PCDH15: variants seen among roughly 807,000 people sequenced by gnomAD.
PCDH15 encodes the protein protocadherin-15.
Under a neutral mutation model 178.5 loss-of-function variants are expected in PCDH15, and 129 were observed. That is an observed-to-expected ratio of 0.72 (90% CI 0.63 to 0.84). PCDH15 has a LOEUF of 0.84. Among genes scored for constraint, PCDH15 ranks in the 40% least tolerant of loss-of-function variants. The pLI, the probability that PCDH15 is intolerant of heterozygous loss-of-function variation, is 0.00. For synonymous variants in PCDH15, 800 were observed against 732.0 expected, an observed-to-expected ratio of 1.09 and a Z score of -1.50; for missense variants, 2,230 against 2,099.9, an observed-to-expected ratio of 1.06 and a Z score of -1.21.
At chr10:54,576,122 TGTAC>T (rs1308044710) in intron 2 of PCDH15, among the ~76,000 whole-genome samples, 1 of 102,514 alleles carries the variant, frequency 9.8e-6, no homozygotes, top group Admixed American at 1.1e-4. Context: ...TATCTATGTA[TGTAC>T]GTATGTATCC....
At chr10:54,371,231 G>T (rs1321731816) in intron 4 of PCDH15, among the ~76,000 whole-genome samples, 2 of 151,732 alleles carry the variant, frequency 1.3e-5, no homozygotes, top group Non-Finnish European at 2.9e-5. Context: ...TCACCCAAAT[G>T]TAATAGACAG....
intron 26 of PCDH15, among the ~76,000 whole-genome samples, chr10:53,868,192 A>G (rs2079585251): frequency 1.3e-5 from 2 of 152,066 alleles, no homozygotes; most frequent in Admixed American, 1.3e-4. Flanking sequence ...CTAGATATGT[A>G]AGTTATACAT....
chr10:55,061,197 T>C (rs1286700346), intron 2 of PCDH15, among the ~76,000 whole-genome samples: 2 of 152,116 alleles, frequency 1.3e-5, no homozygotes, highest in African/African-American at 2.4e-5. Flanking sequence ...CAAACATACA[T>C]AGAAACTTTA....
intron 13 of PCDH15, among the ~76,000 whole-genome samples, chr10:54,159,938 A>T (rs1443292703): frequency 6.6e-6 from 1 of 152,220 alleles, no homozygotes; most frequent in Non-Finnish European, 1.5e-5. Flanking sequence ...GAGCAACCTC[A>T]GCATACAATT....
At chr10:53,891,438 C>G (rs1325728119) in intron 26 of PCDH15, among the ~76,000 whole-genome samples, 1 of 152,076 alleles carries the variant, frequency 6.6e-6, no homozygotes, top group Non-Finnish European at 1.5e-5. Context: ...ATACCTATAC[C>G]TTGGATTGTT....
At chr10:54,888,795 T>G (rs1954407616) in intron 3 of PCDH15, among the ~76,000 whole-genome samples, 1 of 151,352 alleles carries the variant, frequency 6.6e-6, no homozygotes, top group Admixed American at 6.6e-5. Flanking sequence ...TTTTCTTTTT[T>G]TTTTTTTTAA....
At chr10:54,361,960 G>A (rs755430890) in intron 5 of PCDH15, among the ~76,000 whole-genome samples, 44 of 151,998 alleles carry the variant, frequency 2.9e-4, no homozygotes, top group Non-Finnish European at 5.6e-4. Context: ...TATCAGCAGT[G>A]AGATCTTGAG....
chr10:53,933,739 G>C (rs1056436385), intron 25 of PCDH15, among the ~76,000 whole-genome samples: 7 of 152,110 alleles, frequency 4.6e-5, no homozygotes, highest in Non-Finnish European at 7.3e-5. Context: ...GATCCCTGAG[G>C]AATCGCCACA....
chr10:54,369,264 G>A lies in PCDH15; in HGVS notation c.330C>T (p.Asn110=), dbSNP rs146796009. The A allele has an allele frequency of 7.0e-5, 113 of 1,612,476 alleles. No homozygotes were observed. The African/African-American group carries it at 1.4e-3, about 20-fold the overall frequency. The change falls in exon 5 of 38, where the codon AAC becomes AAT. Residue 110 remains asparagine, a synonymous_variant. Transcript: ENST00000644397. The part of the protein sequence containing the change: ...GRVLDRDPPM[N]IHSIVVQVQC... ...GGACCTGCACCACAATGGAGTGTAT[G>A]TTCATCGGTGGCTGCAATGTAGAAA... is the stretch of plus-strand genomic sequence containing the variant.
chr10:55,440,524 G>A (rs924315157), intron 2 of PCDH15, among the ~76,000 whole-genome samples: 9 of 152,156 alleles, frequency 5.9e-5, no homozygotes, highest in African/African-American at 2.2e-4. Context: ...GAAAAACACT[G>A]AGGCCAATAA....
chr10:54,153,815 C>T (rs1459687374), intron 13 of PCDH15, among the ~76,000 whole-genome samples: 3 of 152,070 alleles, frequency 2.0e-5, no homozygotes, highest in Middle Eastern at 3.2e-3. Context: ...TTTTTGTTTA[C>T]AATTGCTCTA....
intron 1 of PCDH15, among the ~76,000 whole-genome samples, chr10:55,197,274 AAAGT>A (rs1840117864): frequency 6.6e-6 from 1 of 152,084 alleles, no homozygotes; most frequent in Admixed American, 6.5e-5. Context: ...AAAAGAGAAA[AAAGT>A]AACTTGCAAT....
intron 8 of PCDH15, among the ~76,000 whole-genome samples, chr10:54,241,554 C>A (rs749085252): frequency 5.3e-5 from 8 of 152,128 alleles, no homozygotes; most frequent in Non-Finnish European, 1.0e-4. Context: ...CTCCCCAAAC[C>A]CTGGATGGTT....
In PCDH15 at chr10:54,022,930, C is replaced by CT. The variant is rs757027638; in HGVS notation, c.2487dup (p.Glu830ArgfsTer54). The CT allele has an allele frequency of 6.2e-7, 1 of 1,613,886 alleles. No homozygotes were observed. The highest frequency in any genetic ancestry group is 2.2e-5 in the East Asian group (1 of 44,862). On this transcript the variant is annotated frameshift_variant, in exon 19 of 38. Transcript: ENST00000644397. LOFTEE classifies it high-confidence loss of function. ...ATGGTAGTCCCAGCTGGCAAATTCT[C>CT]TTCAACAAGGACAGTGTATGTTGAA...
At chr10:53,827,139 T>C (rs1218006116) in intron 32 of PCDH15, among the ~76,000 whole-genome samples, 1 of 152,100 alleles carries the variant, frequency 6.6e-6, no homozygotes, top group East Asian at 1.9e-4. Context: ...ACTCAAGCTA[T>C]AAATGTGCAA....
intron 3 of PCDH15, among the ~76,000 whole-genome samples, chr10:54,464,458 G>T (rs1042261730): frequency 2.0e-5 from 3 of 152,140 alleles, no homozygotes; most frequent in Non-Finnish European, 2.9e-5. Context: ...GAGGAACTAG[G>T]AGTTTATATG....
chr10:55,063,709 G>A (rs535153208), intron 2 of PCDH15, among the ~76,000 whole-genome samples: 28 of 152,234 alleles, frequency 1.8e-4, no homozygotes, highest in Admixed American at 1.2e-3. Context: ...CACATTAACA[G>A]TATTCAAATC....
intron 3 of PCDH15, among the ~76,000 whole-genome samples, chr10:54,387,243 TG>T: frequency 6.6e-6 from 1 of 152,312 alleles, no homozygotes; most frequent in African/African-American, 2.4e-5. Context: ...TCAAAAGACT[TG>T]AAAGCAGTCT....
chr10:55,258,676 A>G (rs1312724459), intron 1 of PCDH15, among the ~76,000 whole-genome samples: 1 of 150,540 alleles, frequency 6.6e-6, no homozygotes, highest in East Asian at 2.0e-4. Flanking sequence ...ATAAATATTT[A>G]TATTTCATAT....
Sources: gnomAD v4.1 joint callset for allele counts (sites outside exome capture counted in the v4.1 genomes callset) on GRCh38, gnomAD v4.1.1 for gene constraint, MANE v1.5 for transcripts, NCBI Gene and HGNC (gene_info 2026-07-23, HGNC 2026-07-21) for gene names.